TXLNB: variants seen among roughly 807,000 people sequenced by gnomAD.
TXLNB encodes beta-taxilin.
A neutral mutation model predicts 57.4 loss-of-function variants in TXLNB; 37 were observed. The ratio of observed to expected loss-of-function variants is 0.64; its 90% confidence interval spans 0.50 to 0.85. The LOEUF (loss-of-function observed/expected upper bound fraction) is 0.85. TXLNB is among the 40% of genes least tolerant of loss of function. TXLNB has a pLI of 0.00. For missense variants in TXLNB, 848 were observed against 825.6 expected (o/e 1.03, Z -0.33); for synonymous variants, 302 against 309.6 (o/e 0.98, Z 0.26).
the TXLNB span, among the ~76,000 whole-genome samples, chr6:139,299,629 A>G: frequency 6.6e-6 from 1 of 151,958 alleles, no homozygotes; most frequent in Non-Finnish European, 1.5e-5. Flanking sequence ...TCATCTCCCC[A>G]CTTGGGGAGA....
At chr6:139,187,455 A>G in the TXLNB span, among the ~76,000 whole-genome samples, 1 of 152,104 alleles carries the variant, frequency 6.6e-6, no homozygotes, top group Non-Finnish European at 1.5e-5. Flanking sequence ...TGTTTAATTC[A>G]GTATTTTGTG....
intron 2 of TXLNB, among the ~76,000 whole-genome samples, chr6:139,281,181 G>A (rs1436973751): frequency 6.6e-6 from 1 of 151,938 alleles, no homozygotes; most frequent in Non-Finnish European, 1.5e-5. Flanking sequence ...TTTAAGATTT[G>A]GTCATTTCAC....
chr6:139,190,277 G>A, the TXLNB span, among the ~76,000 whole-genome samples: 1 of 147,996 alleles, frequency 6.8e-6, no homozygotes, highest in East Asian at 2.0e-4. Flanking sequence ...CAGATTTGGT[G>A]TCTGGTTGAG....
chr6:139,300,211 C>T, the TXLNB span, among the ~76,000 whole-genome samples: 642 of 152,252 alleles, frequency 4.2e-3, 10 homozygotes, highest in African/African-American at 0.014. Context: ...TGGTGGTCAC[C>T]TAGTTCTGAG....
intron 6 of TXLNB, among the ~76,000 whole-genome samples, chr6:139,259,613 A>C (rs1179086416): frequency 6.6e-6 from 1 of 151,870 alleles, no homozygotes; most frequent in Non-Finnish European, 1.5e-5. Flanking sequence ...GTTTCTCCTT[A>C]CTTCCTTAGT....
At chr6:139,298,440 G>A in the TXLNB span, among the ~76,000 whole-genome samples, 1 of 152,154 alleles carries the variant, frequency 6.6e-6, no homozygotes, top group Non-Finnish European at 1.5e-5. Context: ...GTCAATATTT[G>A]CTTCAAGGAA....
chr6:139,300,080 C>G, the TXLNB span, among the ~76,000 whole-genome samples: 112 of 152,198 alleles, frequency 7.4e-4, 4 homozygotes, highest in South Asian at 0.023. Flanking sequence ...CTCTCCCTTA[C>G]GTGAGTGTCA....
At chr6:139,280,357 CT>C (rs891417592) in intron 2 of TXLNB, among the ~76,000 whole-genome samples, 1 of 150,748 alleles carries the variant, frequency 6.6e-6, no homozygotes, top group African/African-American at 2.4e-5. Flanking sequence ...TTTTCTGAAA[CT>C]TTTAGCATAG....
chr6:139,191,719 T>C, the TXLNB span, among the ~76,000 whole-genome samples: 2 of 152,194 alleles, frequency 1.3e-5, no homozygotes, highest in Non-Finnish European at 2.9e-5. Flanking sequence ...CTGTTACTTA[T>C]TCATTTTTGG....
the TXLNB span, chr6:139,177,358 T>C: frequency 3.4e-6 from 1 of 296,698 alleles, no homozygotes; most frequent in South Asian, 1.1e-4. This position sits in a 1 kb window ranked among gnomAD's most constrained non-coding sequence, Gnocchi z 4.9. Flanking sequence ...CAAGAATCTT[T>C]GATGCAGCTT....
the TXLNB span, chr6:139,167,255 G>A: frequency 7.4e-6 from 12 of 1,613,728 alleles, no homozygotes; most frequent in South Asian, 1.1e-5. Context: ...CCCACTGGTG[G>A]ATGGAACTTT....
rs527938136 is a variant in TXLNB, at chr6:139,243,798, T to C, written c.1267-484A>G. Among the ~76,000 whole-genome samples, 8 of 152,324 alleles carry C rather than the reference T, an allele frequency of 5.3e-5. No individual in the cohort carries two copies. In the South Asian group the frequency reaches 6.2e-4, roughly 12 times the overall value. On this transcript the variant is annotated intron_variant, in intron 9 of 9. Transcript: ENST00000358430. ...GTTGATGAGTAATATCTCTTTGGAA[T>C]TGGTTGCAATTTGAGAAGAATTGTT...
chr6:139,165,967 G>T, the TXLNB span: 1 of 248,200 alleles, frequency 4.0e-6, no homozygotes, highest in Non-Finnish European at 7.6e-6. Flanking sequence ...CTGCCATTGG[G>T]TGTCAGACCA....
At chr6:139,192,078 T>A in the TXLNB span, among the ~76,000 whole-genome samples, 1 of 152,210 alleles carries the variant, frequency 6.6e-6, no homozygotes, top group Non-Finnish European at 1.5e-5. Flanking sequence ...CTTTGTTGAG[T>A]GGTTCTCATA....
chr6:139,289,749 T>A, intron 1 of TXLNB, among the ~76,000 whole-genome samples: 1 of 152,228 alleles, frequency 6.6e-6, no homozygotes, highest in East Asian at 1.9e-4. Context: ...AGATTAACAA[T>A]CACTGGGGGT....
At chr6:139,281,589 C>G (rs1424767147) in intron 2 of TXLNB, among the ~76,000 whole-genome samples, 1 of 92,220 alleles carries the variant, frequency 1.1e-5, no homozygotes, top group Non-Finnish European at 1.9e-5. Context: ...CGCTCTGTCG[C>G]CCAGGCTGGA....
the TXLNB span, among the ~76,000 whole-genome samples, chr6:139,314,003 T>A: frequency 6.6e-6 from 1 of 152,134 alleles, no homozygotes; most frequent in South Asian, 2.1e-4. Flanking sequence ...CAAAGAAGAC[T>A]CCTTGTAGCA....
the TXLNB span, among the ~76,000 whole-genome samples, chr6:139,200,992 T>A: frequency 6.6e-6 from 1 of 152,258 alleles, no homozygotes; most frequent in African/African-American, 2.4e-5. Flanking sequence ...TCATTTTTCC[T>A]CCCCTATTCT....
At chr6:139,171,402 A>G in the TXLNB span, among the ~76,000 whole-genome samples, 2 of 152,248 alleles carry the variant, frequency 1.3e-5, no homozygotes, top group Non-Finnish European at 2.9e-5. Flanking sequence ...AGATGTGCCC[A>G]CAAAGATACT....
Sources: gnomAD v4.1 joint callset for allele counts (sites outside exome capture counted in the v4.1 genomes callset) on GRCh38, gnomAD v4.1.1 for gene constraint, Gnocchi (gnomAD v3.1) non-coding constraint, MANE v1.5 for transcripts, NCBI Gene and HGNC (gene_info 2026-07-23, HGNC 2026-07-21) for gene names.